CPNE2: variants seen among roughly 807,000 people sequenced by gnomAD.
CPNE2 encodes copine-2.
CPNE2 carries 42 observed loss-of-function variants against 69.7 expected under a neutral mutation model. That is an observed-to-expected ratio of 0.60 (90% CI 0.47 to 0.78). The LOEUF is 0.78. Among genes scored for constraint, CPNE2 ranks in the 30% least tolerant of loss-of-function variants. The pLI, the probability that CPNE2 is intolerant of heterozygous loss-of-function variation, is 0.00. For synonymous variants in CPNE2, 294 were observed against 289.8 expected, an observed-to-expected ratio of 1.01 and a Z score of -0.15; for missense variants, 587 against 732.0, an observed-to-expected ratio of 0.80 and a Z score of 2.29.
In CPNE2 at chr16:57,118,693, GATA is replaced by G. The variant is rs1390164040; in HGVS notation, c.508-501_508-499del. On this transcript the variant is annotated intron_variant, in intron 5 of 15. Coordinates refer to ENST00000290776, the MANE Select transcript of CPNE2 (RefSeq NM_152727.6). ...GGATGGATGGATGGATGGATGGATA[GATA>G]GATAGATAGATAGAGTGAGTCACAT... Among the ~76,000 whole-genome samples, 248 of 150,406 alleles carry G rather than the reference GATA, an allele frequency of 1.6e-3. 3 individuals carry two copies. Among genetic ancestry groups the G allele is most frequent in the African/African-American group, 5.8e-3 (238 of 40,832 alleles).
chr16:57,146,189 C>G lies in CPNE2; in HGVS notation c.1407C>G (p.Ile469Met). ...QASKLPMSII[I>M]VGVGNADFAA... The stretch of plus-strand genomic sequence containing the variant: ...CCAAGCTGCCCATGTCCATCATCAT[C>G]GTGGGCGTGGGCAATGCGGACTTCG... The change falls in exon 15 of 16, where the codon ATC becomes ATG. Residue 469 changes from isoleucine to methionine, a missense_variant. Around this residue, in one of 5 missense-constraint regions of CPNE2, gnomAD observed 185 missense variants for 252.3 expected, o/e 0.73. Coordinates refer to ENST00000290776, the MANE Select transcript of CPNE2 (RefSeq NM_152727.6). The surrounding 1 kb of genome is among the most constrained non-coding windows in gnomAD (Gnocchi z 4.4). The G allele has an allele frequency of 6.4e-7, 1 of 1,574,110 alleles. No homozygotes were observed. Among genetic ancestry groups the G allele is most frequent in the Admixed American group, 1.9e-5 (1 of 54,006 alleles).
chr16:57,121,008 A>C, intron 7 of CPNE2, 85 bp from the exon 8 acceptor site: 2 of 961,894 alleles, frequency 2.1e-6, no homozygotes, highest in Non-Finnish European at 3.2e-6. Context: ...AACAGAAGAC[A>C]GAGGGTTTGC....
At chr16:57,101,870 A>G (rs1013951762) in intron 1 of CPNE2, among the ~76,000 whole-genome samples, 4 of 152,168 alleles carry the variant, frequency 2.6e-5, no homozygotes, top group Non-Finnish European at 5.9e-5. Context: ...AGAGCATGTT[A>G]AAACACAGGC....
chr16:57,134,402 G>T (rs1418577298), intron 12 of CPNE2, among the ~76,000 whole-genome samples: 2 of 152,186 alleles, frequency 1.3e-5, no homozygotes, highest in East Asian at 3.9e-4. Flanking sequence ...TAGTTGTGGA[G>T]CCCACATCCA....
rs80130162 is a variant in CPNE2 at position 57,130,431 on chromosome 16, C to T, written c.1116+2528C>T. Among the ~76,000 whole-genome samples, 169 of 151,890 alleles carry T rather than the reference C, an allele frequency of 1.1e-3. 1 individual carries two copies. Among genetic ancestry groups the T allele is most frequent in the African/African-American group, 3.9e-3 (160 of 41,404 alleles). ...GCATGAGAGAGCCAGGCAGATGAAGCGGAGACTGAGCCCGGGGGCAGAGCA... is the reference window on the plus strand; with the variant it reads ...GCATGAGAGAGCCAGGCAGATGAAGTGGAGACTGAGCCCGGGGGCAGAGCA... On this transcript the variant is annotated intron_variant, in intron 12 of 15. Transcript: ENST00000290776. This position sits in a 1 kb window ranked among gnomAD's most constrained non-coding sequence, Gnocchi z 4.1.
Position 57,148,347 on chromosome 16 carries a change from T to TATTCATG in CPNE2, c.*690_*696dup, listed in dbSNP as rs1443623420. On this transcript the variant is annotated 3_prime_UTR_variant, in exon 16 of 16. Coordinates refer to ENST00000290776, the MANE Select transcript of CPNE2 (RefSeq NM_152727.6). ...TGGCACATTGTACAAACTCAATAAA[T>TATTCATG]ATTCATGGATGAATAGAATGAATGT... 1 of 152,220 alleles carries TATTCATG rather than the reference T, an allele frequency of 6.6e-6. No individual in the cohort carries two copies. The highest frequency in any genetic ancestry group is 1.5e-5 in the Non-Finnish European group (1 of 68,034). 9.4% of individuals were successfully genotyped at this position (152,220 alleles called of 1,614,324 possible). A position where few individuals can be genotyped will look rare whatever the true frequency, so the allele number is the denominator to read the frequency against.
chr16:57,146,174 C>A lies in CPNE2; in HGVS notation c.1392C>A (p.Pro464=). The A allele has an allele frequency of 6.3e-7, 1 of 1,581,148 alleles. No individual in the cohort carries two copies. The highest frequency in any genetic ancestry group is 8.6e-7 in the Non-Finnish European group (1 of 1,162,584). The stretch of plus-strand genomic sequence containing the variant: ...CCGTGGTGCAGGCTTCCAAGCTGCC[C>A]ATGTCCATCATCATCGTGGGCGTGG... The part of the protein sequence containing the change: ...RHAVVQASKL[P]MSIIIVGVGN... Residue 464 remains proline (P), a synonymous_variant, in exon 15 of 16, where the codon CCC becomes CCA. Transcript: ENST00000290776. The surrounding 1 kb of genome is among the most constrained non-coding windows in gnomAD (Gnocchi z 4.4).
At chr16:57,118,123 C>G (rs1414974120) in intron 5 of CPNE2, among the ~76,000 whole-genome samples, 1 of 151,976 alleles carries the variant, frequency 6.6e-6, no homozygotes, top group East Asian at 1.9e-4. Context: ...CCACCCCCTC[C>G]TTCTCGTCTC....
intron 1 of CPNE2, among the ~76,000 whole-genome samples, chr16:57,096,629 G>A (rs182339376): frequency 5.0e-4 from 75 of 151,246 alleles, no homozygotes; most frequent in African/African-American, 1.8e-3. Flanking sequence ...AGCCCAGGAG[G>A]TCGAGGCTGC....
chr16:57,094,111 C>T (rs1211391464), intron 1 of CPNE2: 2 of 456,490 alleles, frequency 4.4e-6, no homozygotes, highest in East Asian at 7.0e-5. Context: ...AGGACCGCCC[C>T]AGCCAGCTGG....
chr16:57,128,571 T>C (rs552646130), intron 12 of CPNE2, among the ~76,000 whole-genome samples: 52 of 152,336 alleles, frequency 3.4e-4, no homozygotes, highest in African/African-American at 1.2e-3. Flanking sequence ...GAATATTTCA[T>C]GGGACATACT....
chr16:57,141,920 CCT>C (rs1168681965), intron 14 of CPNE2: 2 of 152,220 alleles, frequency 1.3e-5, no homozygotes, highest in Non-Finnish European at 2.9e-5. Flanking sequence ...TGAATTATCC[CCT>C]GATGCTTTTG....
intron 4 of CPNE2, among the ~76,000 whole-genome samples, chr16:57,117,249 C>T (rs1243461278): frequency 3.3e-5 from 5 of 152,180 alleles, no homozygotes; most frequent in Non-Finnish European, 4.4e-5. Flanking sequence ...CCCACCACCC[C>T]ATGGGCCCTG....
intron 1 of CPNE2, among the ~76,000 whole-genome samples, chr16:57,110,284 G>A (rs1030101203): frequency 3.4e-5 from 5 of 148,522 alleles, no homozygotes; most frequent in Admixed American, 1.3e-4. Flanking sequence ...GTGCAGAGAC[G>A]TGCAATCACG....
At chr16:57,133,087 C>A (rs1469037621) in intron 12 of CPNE2, among the ~76,000 whole-genome samples, 1 of 152,194 alleles carries the variant, frequency 6.6e-6, no homozygotes, top group Admixed American at 6.5e-5. Flanking sequence ...TCCCTGGCAA[C>A]CATTTTCTCT....
chr16:57,094,080 G>T (rs1445392660), intron 1 of CPNE2: 1 of 456,718 alleles, frequency 2.2e-6, no homozygotes, highest in Non-Finnish European at 4.4e-6. Context: ...ATTCCGCCTG[G>T]CATAGGTCCA....
chr16:57,121,683 G>T lies in CPNE2; in HGVS notation c.790G>T (p.Glu264Ter). 2 of 1,614,110 alleles carry T rather than the reference G, an allele frequency of 1.2e-6. No homozygotes were observed. Among genetic ancestry groups the T allele is most frequent in the Non-Finnish European group, 1.7e-6 (2 of 1,179,998 alleles). The change falls in exon 9 of 16, where the codon GAG becomes TAG. Residue 264 changes from glutamate to a stop codon, truncating the protein, a stop_gained. Coordinates refer to ENST00000290776, the MANE Select transcript of CPNE2 (RefSeq NM_152727.6). LOFTEE classifies it high-confidence loss of function. ...CTTTTGCGTTGCCCAGCTGGAGTTC[G>T]AGTGCATCAACCCCAAGAAGCAGAG... ...EARDSVPLEF[E>*]CINPKKQRKK...
At chr16:57,126,204 G>A (rs1200067282) in intron 11 of CPNE2, among the ~76,000 whole-genome samples, 2 of 152,198 alleles carry the variant, frequency 1.3e-5, no homozygotes, top group Non-Finnish European at 2.9e-5. Context: ...TTCAAACTGG[G>A]ATCGTTTTCT....
chr16:57,140,868 ATTTTTTTTTTT>A (rs55901819), intron 14 of CPNE2: 2 of 86,098 alleles, frequency 2.3e-5, no homozygotes, highest in African/African-American at 1.0e-4. Context: ...CCCGGCCGGG[ATTTTTTTTTTT>A]TTTTTTTTTT....
Sources: allele counts gnomAD v4.1 joint callset (sites outside exome capture counted in the v4.1 genomes callset), GRCh38; gene constraint gnomAD v4.1.1; regional missense constraint gnomAD v4.1.1; non-coding constraint Gnocchi (gnomAD v3.1); transcripts MANE v1.5; gene names NCBI Gene and HGNC (gene_info 2026-07-23, HGNC 2026-07-21).